MAGI2: variants seen among roughly 807,000 people sequenced by gnomAD.
The protein encoded by MAGI2 is membrane associated guanylate kinase, WW and PDZ domain containing 2, also known as membrane-associated guanylate kinase, WW and PDZ domain-containing protein 2.
Under a neutral mutation model 133.3 loss-of-function variants are expected in MAGI2, and 35 were observed. The ratio of observed to expected loss-of-function variants is 0.26; its 90% CI spans 0.20 to 0.35. The LOEUF is 0.35. MAGI2 is among the 10% of genes least tolerant of loss of function. The pLI is 1.00. For synonymous variants in MAGI2, 729 were observed against 710.6 expected, an observed-to-expected ratio of 1.03 and a Z score of -0.41; for missense variants, 1,636 against 1,863.4, an observed-to-expected ratio of 0.88 and a Z score of 2.25.
At chr7:79,200,424 G>T (rs571834245) in intron 1 of MAGI2, among the ~76,000 whole-genome samples, 2 of 148,278 alleles carry the variant, frequency 1.3e-5, no homozygotes, top group African/African-American at 5.1e-5. Context: ...GCAACATGGC[G>T]AAACCCCGTC....
rs540782939 is a variant in MAGI2, at chr7:79,345,948, C to G, written c.301+107072G>C. 3.3e-5 allele frequency among the ~76,000 whole-genome samples: 5 copies of G among 152,090 alleles called. No individual in the cohort carries two copies. In the South Asian group the frequency reaches 1.0e-3, roughly 32 times the overall value. ...AGGCGTATTAAATGTAAAAATATTACCAAATGATCTGGCAATAACTTCCAT... is the reference window on the plus strand; with the variant it reads ...AGGCGTATTAAATGTAAAAATATTAGCAAATGATCTGGCAATAACTTCCAT... On this transcript the variant is annotated intron_variant, in intron 1 of 21. Coordinates refer to ENST00000354212, the MANE Select transcript of MAGI2 (RefSeq NM_012301.4).
chr7:78,737,768 G>A (rs973090696), intron 2 of MAGI2, among the ~76,000 whole-genome samples: 9 of 151,990 alleles, frequency 5.9e-5, no homozygotes, highest in Non-Finnish European at 1.3e-4. Context: ...TATTGTAAAT[G>A]AATAAATATT....
chr7:78,639,884 T>C (rs1345441903), intron 2 of MAGI2, among the ~76,000 whole-genome samples: 2 of 152,112 alleles, frequency 1.3e-5, no homozygotes, highest in African/African-American at 4.8e-5. Flanking sequence ...AATCAAATAA[T>C]CAGCATTCTG....
intron 6 of MAGI2, among the ~76,000 whole-genome samples, chr7:78,379,083 C>T (rs1451040666): frequency 6.6e-6 from 1 of 151,780 alleles, no homozygotes; most frequent in African/African-American, 2.4e-5. Context: ...TAGAAGTTAT[C>T]AGTACAAAGA....
intron 6 of MAGI2, among the ~76,000 whole-genome samples, chr7:78,378,329 C>G (rs7799170): frequency 0.81 from 122,687 of 150,944 alleles, 49,939 homozygotes; most frequent in Admixed American, 0.85. Flanking sequence ...TAGAATAGAA[C>G]TAATACATAA....
At chr7:78,086,906 G>A (rs1244655134) in intron 20 of MAGI2, among the ~76,000 whole-genome samples, 5 of 152,132 alleles carry the variant, frequency 3.3e-5, no homozygotes, top group African/African-American at 4.8e-5. Context: ...AAAGTGCTAC[G>A]ATTACAGGCG....
intron 1 of MAGI2, among the ~76,000 whole-genome samples, chr7:79,032,419 G>A (rs1008586777): frequency 1.3e-5 from 2 of 151,474 alleles, no homozygotes; most frequent in African/African-American, 4.9e-5. Flanking sequence ...TTGGGAGGCT[G>A]AGGCAGGAAA....
chr7:78,644,656 C>T (rs1810658464), intron 2 of MAGI2, among the ~76,000 whole-genome samples: 1 of 151,978 alleles, frequency 6.6e-6, no homozygotes, highest in Non-Finnish European at 1.5e-5. Context: ...AGCAAGAATT[C>T]AAGAGAAATG....
At chr7:78,777,884 C>T (rs924349256) in intron 2 of MAGI2, among the ~76,000 whole-genome samples, 11 of 52,946 alleles carry the variant, frequency 2.1e-4, no homozygotes, top group African/African-American at 3.9e-4. Context: ...ACAGAAGGAC[C>T]GCTCTAGATG....
chr7:78,910,263 CTTT>C (rs71085572), intron 2 of MAGI2, among the ~76,000 whole-genome samples: 2 of 128,060 alleles, frequency 1.6e-5, no homozygotes, highest in African/African-American at 3.1e-5. Flanking sequence ...TAAAGTAATT[CTTT>C]TTTTTTTTTT....
intron 21 of MAGI2, among the ~76,000 whole-genome samples, chr7:78,052,274 T>G (rs1051416482): frequency 9.2e-5 from 14 of 152,180 alleles, no homozygotes; most frequent in African/African-American, 2.9e-4. Context: ...CTGAATGGCC[T>G]GCTGCCGTCC....
intron 21 of MAGI2, among the ~76,000 whole-genome samples, chr7:78,071,669 A>G (rs73362635): frequency 6.6e-6 from 1 of 152,186 alleles, no homozygotes; most frequent in Non-Finnish European, 1.5e-5. Flanking sequence ...CCTTTCAGCT[A>G]GGAAGAACCC....
intron 1 of MAGI2, among the ~76,000 whole-genome samples, chr7:79,083,762 G>A (rs1397358220): frequency 2.0e-5 from 3 of 151,508 alleles, no homozygotes; most frequent in East Asian, 1.9e-4. Context: ...TTCTTTAAAA[G>A]CTTGGTGGAA....
intron 1 of MAGI2, among the ~76,000 whole-genome samples, chr7:79,283,990 G>T (rs1215475117): frequency 6.6e-6 from 1 of 152,024 alleles, no homozygotes; most frequent in Non-Finnish European, 1.5e-5. Flanking sequence ...ATTCAGTACA[G>T]TAACATGCTA....
chr7:79,393,573 G>A (rs373962477), intron 1 of MAGI2, among the ~76,000 whole-genome samples: 11 of 152,192 alleles, frequency 7.2e-5, no homozygotes, highest in South Asian at 2.1e-4. Flanking sequence ...TCTCAGTTGC[G>A]TATATGAAAC....
chr7:78,602,647 G>A (rs1361986628), intron 3 of MAGI2, among the ~76,000 whole-genome samples: 1 of 151,972 alleles, frequency 6.6e-6, no homozygotes, highest in African/African-American at 2.4e-5. Context: ...AAAGGAATAG[G>A]AAATGCCAGA....
At chr7:78,563,188 C>G (rs1800590909) in intron 3 of MAGI2, among the ~76,000 whole-genome samples, 2 of 152,042 alleles carry the variant, frequency 1.3e-5, no homozygotes, top group African/African-American at 4.8e-5. Context: ...GCTGAGCCAT[C>G]CTTGCAAGAT....
intron 10 of MAGI2, among the ~76,000 whole-genome samples, chr7:78,222,075 A>G (rs1484632929): frequency 6.6e-6 from 1 of 152,062 alleles, no homozygotes; most frequent in African/African-American, 2.4e-5. Flanking sequence ...TGCAAAACAT[A>G]GCTCTTTGAA....
At chr7:78,623,117 C>A (rs530200546) in intron 3 of MAGI2, among the ~76,000 whole-genome samples, 1 of 152,012 alleles carries the variant, frequency 6.6e-6, no homozygotes, top group Non-Finnish European at 1.5e-5. Flanking sequence ...AATGTCATGA[C>A]ATCTAGTGTA....
Sources: gnomAD v4.1 joint callset for allele counts (sites outside exome capture counted in the v4.1 genomes callset) on GRCh38, gnomAD v4.1.1 for gene constraint, MANE v1.5 for transcripts, NCBI Gene and HGNC (gene_info 2026-07-23, HGNC 2026-07-21) for gene names.